CLASP1: variants seen among roughly 807,000 people sequenced by gnomAD.
CLASP1 encodes cytoplasmic linker associated protein 1, also known as CLIP-associating protein 1.
CLASP1 carries 38 observed loss-of-function variants against 192.3 expected under a neutral mutation model. That is an observed-to-expected ratio of 0.20 (90% CI 0.15 to 0.26). The LOEUF (loss-of-function observed/expected upper bound fraction) is 0.26, where lower values mean the gene tolerates loss of function less well. CLASP1 is among the 10% of genes least tolerant of loss of function. The pLI is 1.00. For synonymous variants in CLASP1, 691 were observed against 712.8 expected, an observed-to-expected ratio of 0.97 and a Z score of 0.49; for missense variants, 1,433 against 1,932.5, an observed-to-expected ratio of 0.74 and a Z score of 4.85.
intron 2 of CLASP1, chr2:121,531,096 C>T (rs1045633617): frequency 7.7e-5 from 50 of 652,436 alleles, no homozygotes; most frequent in Middle Eastern, 4.0e-4. Flanking sequence ...GTAGAGGGTG[C>T]ACAAGACGCG....
chr2:121,410,719 A>G, intron 24 of CLASP1, 147 bp downstream of exon 25: 1 of 566,502 alleles, frequency 1.8e-6, no homozygotes, highest in Non-Finnish European at 3.1e-6. Context: ...AACAATAACA[A>G]TATAAATTTA....
At chr2:121,510,249 A>G (rs1301554220) in intron 7 of CLASP1, among the ~76,000 whole-genome samples, 2 of 152,090 alleles carry the variant, frequency 1.3e-5, no homozygotes, top group Admixed American at 6.6e-5. Context: ...CAGAAAAATC[A>G]ATGAAACCAG....
At chr2:121,632,623 G>A (rs946445704) in intron 1 of CLASP1, among the ~76,000 whole-genome samples, 2 of 152,066 alleles carry the variant, frequency 1.3e-5, no homozygotes, top group South Asian at 4.1e-4. Flanking sequence ...TGCGCTGGAC[G>A]CGGTGGCTCA....
chr2:121,474,795 C>G (rs1197907230), intron 8 of CLASP1, among the ~76,000 whole-genome samples: 1 of 152,044 alleles, frequency 6.6e-6, no homozygotes, highest in African/African-American at 2.4e-5. Context: ...CTTTTTAAAC[C>G]GAACTTTAGG....
intron 1 of CLASP1, among the ~76,000 whole-genome samples, chr2:121,624,032 T>A (rs1217128430): frequency 1.3e-5 from 2 of 152,206 alleles, no homozygotes; most frequent in African/African-American, 4.8e-5. Context: ...TTCCTCATTT[T>A]ATTAATTTAT....
chr2:121,507,677 C>G (rs1243795049), intron 7 of CLASP1, among the ~76,000 whole-genome samples: 1 of 152,084 alleles, frequency 6.6e-6, no homozygotes, highest in Non-Finnish European at 1.5e-5. Context: ...ATTTAACAAG[C>G]TACTCCAAAC....
intron 8 of CLASP1, among the ~76,000 whole-genome samples, chr2:121,500,437 AAG>A (rs1491121863): frequency 6.6e-6 from 1 of 151,550 alleles, no homozygotes; most frequent in East Asian, 1.9e-4. Context: ...GAGAAAAGAA[AAG>A]AGGGAAGGAA....
intron 34 of CLASP1, among the ~76,000 whole-genome samples, chr2:121,368,981 C>G (rs1055088095): frequency 2.0e-5 from 3 of 152,212 alleles, no homozygotes. Flanking sequence ...CATCCCTCTC[C>G]CTTCCCCACA....
chr2:121,468,401 C>T (rs1267108763), intron 9 of CLASP1, among the ~76,000 whole-genome samples: 12 of 152,172 alleles, frequency 7.9e-5, no homozygotes, highest in Non-Finnish European at 1.5e-5. Flanking sequence ...TTCTTCCTAT[C>T]CATGAGCATG....
chr2:121,366,783 C>T (rs1193092493), intron 35 of CLASP1, among the ~76,000 whole-genome samples: 4 of 152,116 alleles, frequency 2.6e-5, no homozygotes, highest in Non-Finnish European at 4.4e-5. Flanking sequence ...ACTATCAAAT[C>T]GAAATAAACC....
chr2:121,595,310 A>G (rs1159751604), intron 2 of CLASP1, among the ~76,000 whole-genome samples: 1 of 152,218 alleles, frequency 6.6e-6, no homozygotes, highest in African/African-American at 2.4e-5. Flanking sequence ...ATCATACAGC[A>G]TCTATGTTAT....
chr2:121,400,335 A>G (rs893459267), intron 28 of CLASP1, among the ~76,000 whole-genome samples: 3 of 152,220 alleles, frequency 2.0e-5, no homozygotes, highest in African/African-American at 7.2e-5. Flanking sequence ...GCAATTACAC[A>G]GACTGACAGG....
chr2:121,528,771 C>T (rs1427665121), exon 4 of CLASP1: 1 of 1,613,560 alleles, frequency 6.2e-7, no homozygotes, highest in East Asian at 2.2e-5. Flanking sequence ...GTCTATTAGA[C>T]TTGGCAGCAC....
chr2:121,348,956 C>T (rs555549932), intron 37 of CLASP1, among the ~76,000 whole-genome samples: 1 of 152,150 alleles, frequency 6.6e-6, no homozygotes, highest in South Asian at 2.1e-4. Context: ...AAAAGTGGTA[C>T]TCGGCCGGGC....
chr2:121,530,450 G>A (rs1056349667), intron 2 of CLASP1, 125 bp from the exon 3 acceptor site: 3 of 648,908 alleles, frequency 4.6e-6, no homozygotes, highest in Non-Finnish European at 8.4e-6. Flanking sequence ...GACGCATGCC[G>A]ACTGGAGGAC....
At chr2:121,373,259 C>T (rs11674638) in intron 34 of CLASP1, among the ~76,000 whole-genome samples, 19,598 of 152,212 alleles carry the variant, frequency 0.13, 1,528 homozygotes, top group Middle Eastern at 0.27. Flanking sequence ...TGAAGACATA[C>T]TTGCTTCCCC....
intron 1 of CLASP1, among the ~76,000 whole-genome samples, chr2:121,629,603 C>T (rs1349492013): frequency 1.3e-5 from 2 of 150,824 alleles, no homozygotes; most frequent in Non-Finnish European, 3.0e-5. Flanking sequence ...CCAGCCTGGC[C>T]AACATGGTGA....
intron 2 of CLASP1, among the ~76,000 whole-genome samples, chr2:121,531,879 A>G (rs986923924): frequency 2.7e-5 from 4 of 150,530 alleles, no homozygotes; most frequent in Non-Finnish European, 5.9e-5. Flanking sequence ...AAAAAAAAAG[A>G]AAAAGAAATG....
chr2:121,506,642 A>G lies in CLASP1; in HGVS notation c.645-3408T>C, dbSNP rs1203791027. Among the ~76,000 whole-genome samples the G allele has an allele frequency of 2.0e-5, 3 of 152,156 alleles. No homozygotes were observed. In the East Asian group the frequency reaches 5.8e-4, roughly 29 times the overall value. On this transcript the variant is annotated intron_variant, in intron 7 of 39. Coordinates refer to ENST00000263710, the Ensembl canonical transcript of CLASP1. ...CCCAGGAAAGACCCCTGAAGCCTCT[A>G]ATGTCCCCACTGGCTGACTTTGACA...
Sources: allele counts gnomAD v4.1 joint callset (sites outside exome capture counted in the v4.1 genomes callset), GRCh38; gene constraint gnomAD v4.1.1; transcripts MANE v1.5; gene names NCBI Gene and HGNC (gene_info 2026-07-23, HGNC 2026-07-21).